KLF12: variants seen among roughly 807,000 people sequenced by gnomAD.
The protein encoded by KLF12 is KLF transcription factor 12, also known as Krueppel-like factor 12.
In KLF12, 9 loss-of-function variants were observed where a neutral mutation model predicts 37.8. The observed-to-expected ratio is 0.24, with a 90% CI of 0.14 to 0.42. The LOEUF (loss-of-function observed/expected upper bound fraction) is 0.42, where lower values mean the gene tolerates loss of function less well. Ranked by LOEUF, KLF12 falls within the 10% of genes least tolerant of loss-of-function variation. KLF12 has a pLI of 1.00. For missense variants in KLF12, 411 were observed against 516.0 expected (o/e 0.80, Z 1.97); for synonymous variants, 208 against 202.1 (o/e 1.03, Z -0.25).
At chr13:74,209,669 T>C in the KLF12 span, among the ~76,000 whole-genome samples, 107 of 152,282 alleles carry the variant, frequency 7.0e-4, no homozygotes, top group African/African-American at 2.4e-3. Flanking sequence ...TGTAAAAGGA[T>C]TGTAGGTTGT....
chr13:73,741,422 G>C (rs1024133955), intron 6 of KLF12, among the ~76,000 whole-genome samples: 10 of 152,134 alleles, frequency 6.6e-5, no homozygotes, highest in Non-Finnish European at 1.3e-4. Flanking sequence ...CTTAGATGCT[G>C]GTTTCCTTGC....
intron 3 of KLF12, among the ~76,000 whole-genome samples, chr13:73,925,005 A>G (rs549851395): frequency 1.6e-4 from 24 of 152,330 alleles, no homozygotes; most frequent in East Asian, 3.9e-4. Flanking sequence ...GCTACTGAAG[A>G]AAAGTCTGAA....
At chr13:74,186,223 G>A in the KLF12 span, among the ~76,000 whole-genome samples, 1 of 152,138 alleles carries the variant, frequency 6.6e-6, no homozygotes, top group African/African-American at 2.4e-5. Flanking sequence ...GTAAGAAACT[G>A]TAATACTTTG....
At chr13:73,776,110 C>CTAT (rs886684646) in intron 5 of KLF12, among the ~76,000 whole-genome samples, 1 of 152,076 alleles carries the variant, frequency 6.6e-6, no homozygotes, top group Non-Finnish European at 1.5e-5. Context: ...TTAAATGTGA[C>CTAT]TATTATTATT....
At chr13:74,221,091 G>A in the KLF12 span, among the ~76,000 whole-genome samples, 1 of 149,894 alleles carries the variant, frequency 6.7e-6, no homozygotes, top group African/African-American at 2.5e-5. Flanking sequence ...TGCAAGCTCC[G>A]CCTCCCGGGT....
At chr13:74,035,754 T>G (rs1893231206) in intron 1 of KLF12, among the ~76,000 whole-genome samples, 1 of 151,914 alleles carries the variant, frequency 6.6e-6, no homozygotes, top group African/African-American at 2.4e-5. Flanking sequence ...AATGGGTAAG[T>G]ATCAGCATCT....
At chr13:74,165,763 A>G in the KLF12 span, among the ~76,000 whole-genome samples, 1 of 152,202 alleles carries the variant, frequency 6.6e-6, no homozygotes, top group African/African-American at 2.4e-5. Flanking sequence ...CATTAGCTAC[A>G]ACTCCTTCAC....
the KLF12 span, among the ~76,000 whole-genome samples, chr13:74,246,803 C>T: frequency 1.3e-5 from 2 of 152,298 alleles, no homozygotes; most frequent in South Asian, 4.1e-4. Context: ...TGACTTGCCT[C>T]TGTGTGCGGC....
At position 73,846,080 on chromosome 13, in the gene KLF12, C is replaced by A; in HGVS notation, c.417G>T (p.Ser139=). 1 of 1,613,986 alleles carries A rather than the reference C, an allele frequency of 6.2e-7. No homozygotes were observed. The highest frequency in any genetic ancestry group is 8.5e-7 in the Non-Finnish European group (1 of 1,180,000). ...GGGGCCCTGGAGTTAATACTGTTGACGAAGATGACGCTGAAGATACTGATG... is the reference window on the plus strand; with the variant it reads ...GGGGCCCTGGAGTTAATACTGTTGAAGAAGATGACGCTGAAGATACTGATG... Residue 139 remains serine (S), a synonymous_variant, in exon 4 of 8, where the codon TCG becomes TCT. Transcript: ENST00000377669.
At chr13:74,288,313 C>A in the KLF12 span, among the ~76,000 whole-genome samples, 117 of 152,258 alleles carry the variant, frequency 7.7e-4, no homozygotes, top group South Asian at 1.9e-3. Flanking sequence ...ATCTAAGATG[C>A]TATTTTATGA....
chr13:73,734,784 A>G (rs546920903), intron 6 of KLF12, among the ~76,000 whole-genome samples: 1 of 152,296 alleles, frequency 6.6e-6, no homozygotes, highest in South Asian at 2.1e-4. Flanking sequence ...ACAAAATTAT[A>G]TCGAGTGTTT....
upstream of KLF12, among the ~76,000 whole-genome samples, chr13:74,134,356 G>A (rs1292130516): frequency 6.6e-6 from 1 of 151,894 alleles, no homozygotes; most frequent in African/African-American, 2.4e-5. Context: ...CCATAAAATG[G>A]GGCCCCCGAG....
intron 1 of KLF12, among the ~76,000 whole-genome samples, chr13:74,094,885 C>A (rs1271380330): frequency 6.6e-6 from 1 of 152,188 alleles, no homozygotes; most frequent in Non-Finnish European, 1.5e-5. Context: ...CAGGCGTGAG[C>A]CACCACGCCT....
chr13:74,078,461 C>A (rs1438904560), intron 1 of KLF12, among the ~76,000 whole-genome samples: 1 of 152,178 alleles, frequency 6.6e-6, no homozygotes, highest in Admixed American at 6.5e-5. Flanking sequence ...TTAGTTAAAA[C>A]TGTTACAAGG....
chr13:74,001,650 A>G (rs1322500077), intron 1 of KLF12, among the ~76,000 whole-genome samples: 1 of 152,252 alleles, frequency 6.6e-6, no homozygotes, highest in East Asian at 1.9e-4. Flanking sequence ...AATGCATAGT[A>G]AACAGTTTGC....
the KLF12 span, among the ~76,000 whole-genome samples, chr13:74,238,448 G>C: frequency 1.4e-5 from 2 of 138,516 alleles, 1 homozygote; most frequent in African/African-American, 6.7e-5. Context: ...CATGATGCTG[G>C]CCTCATCAAA....
At chr13:74,253,021 A>ATCTATCTG in the KLF12 span, among the ~76,000 whole-genome samples, 4 of 86,974 alleles carry the variant, frequency 4.6e-5, no homozygotes, top group Admixed American at 1.2e-4. Flanking sequence ...CTATCTATCT[A>ATCTATCTG]TCTGTCTGTC....
intron 1 of KLF12, among the ~76,000 whole-genome samples, chr13:74,064,666 A>C (rs1873803797): frequency 6.6e-6 from 1 of 152,208 alleles, no homozygotes; most frequent in African/African-American, 2.4e-5. Flanking sequence ...CTGAAAGGTC[A>C]ATTATAAATG....
At chr13:73,773,420 A>T (rs1446566474) in intron 5 of KLF12, among the ~76,000 whole-genome samples, 2 of 152,160 alleles carry the variant, frequency 1.3e-5, no homozygotes, top group African/African-American at 2.4e-5. Context: ...CGATGTCAGA[A>T]AGGCAAAAAA....
Sources: allele counts gnomAD v4.1 joint callset (sites outside exome capture counted in the v4.1 genomes callset), GRCh38; gene constraint gnomAD v4.1.1; transcripts MANE v1.5; gene names NCBI Gene and HGNC (gene_info 2026-07-23, HGNC 2026-07-21).